The following PRKX variants were observed in gnomAD, a reference collection of about 807,000 sequenced individuals.
The protein encoded by PRKX is cAMP-dependent protein kinase catalytic subunit PRKX.
A neutral mutation model predicts 22.0 loss-of-function variants in PRKX; 12 were observed. The ratio of observed to expected loss-of-function variants is 0.54; its 90% CI spans 0.35 to 0.88. The LOEUF (loss-of-function observed/expected upper bound fraction) is 0.88. Ranked by LOEUF, PRKX falls within the 40% of genes least tolerant of loss-of-function variation. The pLI is 0.01. For synonymous variants in PRKX, 134 were observed against 137.7 expected (o/e 0.97, Z 0.19); for missense variants, 217 against 308.0 (o/e 0.70, Z 2.21).
At chrX:3,650,716 T>C (rs1300909213) in intron 3 of PRKX, among the ~76,000 whole-genome samples, 7 of 104,226 alleles carry the variant, frequency 6.7e-5, no homozygotes, top group Non-Finnish European at 1.4e-4. Flanking sequence ...AGGTCTCTAC[T>C]AAAAATACAA....
chrX:3,651,418 G>C (rs909073148), intron 3 of PRKX, among the ~76,000 whole-genome samples: 1 of 111,826 alleles, frequency 8.9e-6, no homozygotes, highest in African/African-American at 3.2e-5. Context: ...GACTTTAAAA[G>C]AATTTACTAA....
chrX:3,644,562 C>T (rs1927152184), intron 3 of PRKX, among the ~76,000 whole-genome samples: 1 of 110,774 alleles, frequency 9.0e-6, no homozygotes, highest in South Asian at 3.9e-4. Flanking sequence ...GGAACAGGGA[C>T]CACCTTGTGG....
At chrX:3,691,893 G>A (rs1928334699) in intron 1 of PRKX, among the ~76,000 whole-genome samples, 1 of 110,602 alleles carries the variant, frequency 9.0e-6, no homozygotes, top group South Asian at 3.9e-4. Flanking sequence ...TGGATGGATG[G>A]ATGGACAATG....
At chrX:3,629,851 A>T (rs1926733901) in intron 4 of PRKX, among the ~76,000 whole-genome samples, 1 of 111,534 alleles carries the variant, frequency 9.0e-6, no homozygotes, top group South Asian at 3.8e-4. Flanking sequence ...ATGCGGTCTC[A>T]CTATGTGACT....
chrX:3,713,494 C>A lies in PRKX; in HGVS notation c.-241G>T. The stretch of plus-strand genomic sequence containing the variant: ...GGGAGCAGCCGCCGGCCTCGGGGGG[C>A]GGGCACCGAGTGCGGGACGACTGCG... On this transcript the variant is annotated 5_prime_UTR_variant, in exon 1 of 9. Coordinates refer to ENST00000262848, the MANE Select transcript of PRKX (RefSeq NM_005044.5). 1.2e-5 allele frequency: 3 copies of A among 245,961 alleles called. No homozygotes were observed. Among genetic ancestry groups the A allele is most frequent in the Non-Finnish European group, 2.2e-5 (3 of 138,377 alleles). 20.3% of individuals were successfully genotyped at this position (245,961 alleles called of 1,213,427 possible).
At chrX:3,689,732 C>T (rs749354007) in intron 1 of PRKX, among the ~76,000 whole-genome samples, 6 of 111,799 alleles carry the variant, frequency 5.4e-5, no homozygotes, top group African/African-American at 3.3e-5. Context: ...AATCCCAACA[C>T]TTTGGGAGGC....
chrX:3,661,893 A>G (rs1308137636), intron 2 of PRKX, among the ~76,000 whole-genome samples: 2 of 111,996 alleles, frequency 1.8e-5, no homozygotes, highest in Non-Finnish European at 3.8e-5. Flanking sequence ...ATAGAAGATA[A>G]GAGGGTTTAT....
At chrX:3,641,760 T>C in intron 4 of PRKX, 92 bp downstream of exon 4, 1 of 343,345 alleles carries the variant, frequency 2.9e-6, no homozygotes, top group Non-Finnish European at 5.0e-6. Context: ...ACGTACTGTT[T>C]TCAAGGTTAC....
intron 1 of PRKX, among the ~76,000 whole-genome samples, chrX:3,701,079 C>G (rs1197269839): frequency 9.5e-6 from 1 of 105,683 alleles, no homozygotes; most frequent in Non-Finnish European, 2.0e-5. Context: ...CTTCTGTTTT[C>G]TTTCTTCATC....
intron 1 of PRKX, among the ~76,000 whole-genome samples, chrX:3,704,902 G>A (rs1460028143): frequency 8.9e-6 from 1 of 111,826 alleles, no homozygotes; most frequent in Non-Finnish European, 1.9e-5. Flanking sequence ...GTGAACCTGG[G>A]AGTGCAGGTA....
At position 3,713,489 on chromosome X, in the gene PRKX, G is replaced by C; in HGVS notation, c.-236C>G. On this transcript the variant is annotated 5_prime_UTR_variant, in exon 1 of 9. Transcript: ENST00000262848. The stretch of plus-strand genomic sequence containing the variant: ...CGAGTGGGAGCAGCCGCCGGCCTCG[G>C]GGGGCGGGCACCGAGTGCGGGACGA... 3.9e-6 allele frequency: 1 copy of C among 254,015 alleles called. No homozygotes were observed. Among genetic ancestry groups the C allele is most frequent in the South Asian group, 2.4e-4 (1 of 4,145 alleles). 20.9% of individuals were successfully genotyped at this position (254,015 alleles called of 1,213,427 possible). A position where few individuals can be genotyped will look rare whatever the true frequency, so the allele number is the denominator to read the frequency against.
intron 1 of PRKX, among the ~76,000 whole-genome samples, chrX:3,695,242 T>C (rs1268629625): frequency 9.0e-6 from 1 of 111,678 alleles, no homozygotes; most frequent in African/African-American, 3.3e-5. Flanking sequence ...GTTTTTCTTT[T>C]AACTTTCAGC....
intron 4 of PRKX, 124 bp from the exon 5 acceptor site, chrX:3,626,638 C>T (rs369324447): frequency 2.0e-5 from 11 of 561,342 alleles, no homozygotes; most frequent in Admixed American, 5.9e-5. Context: ...TGCTCTTCCC[C>T]GCACACTGAA....
intron 7 of PRKX, among the ~76,000 whole-genome samples, chrX:3,613,827 C>T (rs1420276897): frequency 2.3e-5 from 2 of 87,253 alleles, no homozygotes; most frequent in African/African-American, 8.7e-5. Flanking sequence ...ACACCCCGAG[C>T]CTGAGCGACA....
chrX:3,698,090 G>T (rs1426241156), intron 1 of PRKX, among the ~76,000 whole-genome samples: 1 of 112,021 alleles, frequency 8.9e-6, no homozygotes, highest in South Asian at 3.7e-4. Context: ...GAGCAGGTGG[G>T]TGGGCCAGCC....
chrX:3,692,774 G>A (rs1207712213), intron 1 of PRKX, among the ~76,000 whole-genome samples: 1 of 110,853 alleles, frequency 9.0e-6, no homozygotes, highest in Non-Finnish European at 1.9e-5. Flanking sequence ...TGGTCCACCC[G>A]CCTCAGCCTC....
At chrX:3,641,064 T>C (rs574684806) in intron 4 of PRKX, among the ~76,000 whole-genome samples, 1 of 111,836 alleles carries the variant, frequency 8.9e-6, no homozygotes. Flanking sequence ...TTGTTTAGCA[T>C]ATAGTCAAGA....
At chrX:3,621,424 AGTTCAATT>A in intron 5 of PRKX, 108 bp from the exon 6 acceptor site, 1 of 699,110 alleles carries the variant, frequency 1.4e-6, no homozygotes, top group Non-Finnish European at 2.1e-6. Flanking sequence ...TGAGGACCGC[AGTTCAATT>A]TCCACTTTGG....
intron 1 of PRKX, among the ~76,000 whole-genome samples, chrX:3,688,482 C>T (rs1928226587): frequency 9.7e-6 from 1 of 103,009 alleles, no homozygotes; most frequent in Admixed American, 1.0e-4. Flanking sequence ...GAAGTGGGCA[C>T]AGCCCCCATC....
Sources: gnomAD v4.1 joint callset for allele counts (sites outside exome capture counted in the v4.1 genomes callset) on GRCh38, gnomAD v4.1.1 for gene constraint, MANE v1.5 for transcripts, NCBI Gene and HGNC (gene_info 2026-07-23, HGNC 2026-07-21) for gene names.